The following MCM9 variants were observed in gnomAD, a reference collection of about 807,000 sequenced individuals.
The protein encoded by MCM9 is minichromosome maintenance 9 homologous recombination repair factor.
Under a neutral mutation model 72.8 loss-of-function variants are expected in MCM9, and 55 were observed. The observed-to-expected ratio is 0.76, with a 90% CI of 0.61 to 0.95. The LOEUF (loss-of-function observed/expected upper bound fraction) is 0.95, where lower values mean the gene tolerates loss of function less well. Among genes scored for constraint, MCM9 ranks in the 40% least tolerant of loss-of-function variants. The pLI is 0.00. For missense variants in MCM9, 1,279 were observed against 1,377.0 expected (o/e 0.93, Z 1.13); for synonymous variants, 480 against 503.4 (o/e 0.95, Z 0.62).
rs562736634 is a variant in MCM9 at position 118,883,938 on chromosome 6, A to C, written c.1151-27393T>G. Among the ~76,000 whole-genome samples, 131 of 152,378 alleles carry C rather than the reference A, an allele frequency of 8.6e-4. 4 individuals carry two copies. In the South Asian group the frequency reaches 0.026, roughly 30 times the overall value. ...ATTATGTAACTAGAAAAAACAGTTT[A>C]GAGACACATATCTTTTCTAAACTGA... On this transcript the variant is annotated intron_variant, in intron 8 of 13. Transcript: ENST00000619706.
chr6:118,832,534 T>G (rs1774635435), intron 9 of MCM9, among the ~76,000 whole-genome samples: 1 of 152,262 alleles, frequency 6.6e-6, no homozygotes, highest in Admixed American at 6.5e-5. Context: ...TATTTTACAT[T>G]TACAGGCTTT....
At chr6:118,876,063 T>A (rs1031505512) in intron 8 of MCM9, among the ~76,000 whole-genome samples, 2 of 152,198 alleles carry the variant, frequency 1.3e-5, no homozygotes, top group African/African-American at 4.8e-5. Context: ...AAATGAGCTA[T>A]CAGAGCATGA....
At chr6:118,907,013 C>A (rs186608776) in intron 8 of MCM9, among the ~76,000 whole-genome samples, 88 of 152,246 alleles carry the variant, frequency 5.8e-4, no homozygotes, top group African/African-American at 2.0e-3. Flanking sequence ...TTGTATTTGA[C>A]AATTTTTCAT....
intron 3 of MCM9, among the ~76,000 whole-genome samples, chr6:118,925,209 G>T (rs1238113030): frequency 1.3e-5 from 2 of 152,080 alleles, no homozygotes; most frequent in African/African-American, 4.8e-5. Flanking sequence ...GGCTATAAAG[G>T]CTAATTCCTA....
intron 6 of MCM9, among the ~76,000 whole-genome samples, 192 bp downstream of exon 6, chr6:118,917,369 G>C (rs995454592): frequency 2.0e-5 from 3 of 152,264 alleles, no homozygotes; most frequent in East Asian, 3.9e-4. Context: ...CTCCAGGCAG[G>C]TTGCTAAATA....
chr6:118,891,755 A>G (rs1778958589), intron 8 of MCM9, among the ~76,000 whole-genome samples: 1 of 152,162 alleles, frequency 6.6e-6, no homozygotes, highest in South Asian at 2.1e-4. Context: ...ACAACTAACT[A>G]GTTTCATGTA....
Position 118,816,109 on chromosome 6 carries a change from G to A in MCM9, c.2147C>T (p.Pro716Leu). ...GSPEGSPVLD[P>L]PPHLEPNRST... The stretch of plus-strand genomic sequence containing the variant: ...TCTATTAGGCTCCAGATGCGGTGGG[G>A]GATCTAGAACTGGGCTTCCCTCGGG... The change falls in exon 14 of 14, where the codon CCC (proline) becomes CTC (leucine). Residue 716 changes from proline (P) to leucine (L), a missense_variant. Transcript: ENST00000619706. 1 of 1,550,328 alleles carries A rather than the reference G, an allele frequency of 6.5e-7. No homozygotes were observed. The highest frequency in any genetic ancestry group is 8.7e-7 in the Non-Finnish European group (1 of 1,146,830).
chr6:118,902,269 T>G (rs1779847037), intron 8 of MCM9, among the ~76,000 whole-genome samples: 1 of 152,200 alleles, frequency 6.6e-6, no homozygotes, highest in African/African-American at 2.4e-5. Flanking sequence ...ACCTCCTCCC[T>G]TAGTCATTCC....
intron 9 of MCM9, among the ~76,000 whole-genome samples, chr6:118,849,431 TTG>T (rs370265605): frequency 0.17 from 25,324 of 148,692 alleles, 2,257 homozygotes; most frequent in East Asian, 0.24. Context: ...AAGGTACAGT[TTG>T]TGTGTGTGTG....
In MCM9 at chr6:118,815,828, A is replaced by T; in HGVS notation, c.2428T>A (p.Trp810Arg). Residue 810 changes from tryptophan to arginine, a missense_variant, in exon 14 of 14, where the codon TGG (tryptophan) becomes AGG (arginine). Trp to Arg is a moderately radical substitution (Grantham distance 101, BLOSUM62 -3). Transcript: ENST00000619706. ...LPSPGETGVPWRADNVESNKK... is the reference protein window; with the variant it reads ...LPSPGETGVPRRADNVESNKK... ...TTACTTTCCACATTGTCTGCCCTCC[A>T]TGGAACACCTGTCTCTCCTGGTGAT... 6.5e-7 allele frequency: 1 copy of T among 1,539,354 alleles called. No homozygotes were observed. The highest frequency in any genetic ancestry group is 8.7e-7 in the Non-Finnish European group (1 of 1,147,020).
At chr6:118,928,160 C>T (rs1782055368) in intron 3 of MCM9, among the ~76,000 whole-genome samples, 1 of 152,158 alleles carries the variant, frequency 6.6e-6, no homozygotes, top group South Asian at 2.1e-4. Context: ...GCTTGTAATC[C>T]CAGAACTGGG....
chr6:118,892,379 C>T (rs1383864070), intron 8 of MCM9, among the ~76,000 whole-genome samples: 1 of 152,176 alleles, frequency 6.6e-6, no homozygotes, highest in Admixed American at 6.5e-5. Context: ...TGCACATCCA[C>T]CAAAAGTGAG....
chr6:118,867,636 T>C (rs1053772047), intron 8 of MCM9, among the ~76,000 whole-genome samples: 8 of 152,214 alleles, frequency 5.3e-5, no homozygotes, highest in Admixed American at 3.3e-4. Context: ...TAACATGCTG[T>C]ACAGGTTTGT....
intron 8 of MCM9, among the ~76,000 whole-genome samples, chr6:118,876,719 G>C (rs1207061943): frequency 6.6e-6 from 1 of 152,172 alleles, no homozygotes; most frequent in African/African-American, 2.4e-5. Context: ...ATAAGCAACA[G>C]ATTGGGAGAA....
At chr6:118,858,970 A>G (rs1776741868) in intron 8 of MCM9, among the ~76,000 whole-genome samples, 2 of 152,218 alleles carry the variant, frequency 1.3e-5, no homozygotes, top group African/African-American at 4.8e-5. Context: ...AAGGAGATAG[A>G]AGAGCCAAAC....
rs749375403 is a variant in MCM9 at position 118,917,741 on chromosome 6, C to T, written c.724G>A (p.Gly242Arg). Residue 242 changes from glycine (G) to arginine (R), a missense_variant, in exon 6 of 14, where the codon GGG becomes AGG. Physicochemically the swap from Gly to Arg is moderately radical, Grantham distance 125. Coordinates refer to ENST00000619706, the MANE Select transcript of MCM9 (RefSeq NM_017696.3). Reference sequence around the variant, plus strand: ...GGCTTCCACCGTTGCATTACAATCCCGTAAATAGTGAGGTCATCACCTAGG... The same window carrying T: ...GGCTTCCACCGTTGCATTACAATCCTGTAAATAGTGAGGTCATCACCTAGG... Reference protein sequence around the residue: ...CKSGDDLTIYGIVMQRWKPFQ... With the variant: ...CKSGDDLTIYRIVMQRWKPFQ... 4.3e-5 allele frequency: 69 copies of T among 1,613,950 alleles called. No homozygotes were observed. The highest frequency in any genetic ancestry group is 8.8e-5 in the South Asian group (8 of 91,078).
intron 9 of MCM9, among the ~76,000 whole-genome samples, chr6:118,846,213 A>G (rs1169297342): frequency 6.6e-6 from 1 of 151,962 alleles, no homozygotes; most frequent in Non-Finnish European, 1.5e-5. Flanking sequence ...TTACGGATAA[A>G]CAAAGCAAGC....
At chr6:118,853,457 T>G (rs911665126) in intron 9 of MCM9, among the ~76,000 whole-genome samples, 1 of 152,086 alleles carries the variant, frequency 6.6e-6, no homozygotes, top group East Asian at 1.9e-4. Flanking sequence ...TTTTTTTTTT[T>G]GTTAATTTCA....
At position 118,913,454 on chromosome 6, in the gene MCM9, A is replaced by G. The variant is rs779798715; in HGVS notation, c.905-34T>C. The stretch of plus-strand genomic sequence containing the variant: ...AGCAGAAAGATCAGAAATCAGCAAT[A>G]ATTTTCAAGAAACCCCAACTGAAAT... On this transcript the variant is annotated intron_variant, in intron 6 of 13. Transcript: ENST00000619706. 6 of 1,611,062 alleles carry G rather than the reference A, an allele frequency of 3.7e-6. No homozygotes were observed. The East Asian group carries it at 1.3e-4, about 36-fold the overall frequency.
Sources: gnomAD v4.1 joint callset for allele counts (sites outside exome capture counted in the v4.1 genomes callset) on GRCh38, gnomAD v4.1.1 for gene constraint, MANE v1.5 for transcripts, NCBI Gene and HGNC (gene_info 2026-07-23, HGNC 2026-07-21) for gene names.